The following ABRAXAS2 variants were observed in gnomAD, a reference collection of about 807,000 sequenced individuals.
The protein encoded by ABRAXAS2 is BRISC complex subunit Abraxas 2.
A neutral mutation model predicts 49.0 loss-of-function variants in ABRAXAS2; 23 were observed. The ratio of observed to expected loss-of-function variants is 0.47; its 90% CI spans 0.34 to 0.66. The LOEUF (loss-of-function observed/expected upper bound fraction) is 0.66. ABRAXAS2 is among the 30% of genes least tolerant of loss of function. ABRAXAS2 has a pLI of 0.01. For missense variants in ABRAXAS2, 443 were observed against 511.9 expected, an observed-to-expected ratio of 0.87 and a Z score of 1.30; for synonymous variants, 168 against 180.2, an observed-to-expected ratio of 0.93 and a Z score of 0.54.
intron 2 of ABRAXAS2, among the ~76,000 whole-genome samples, chr10:124,807,610 G>T (rs1048486589): frequency 6.6e-6 from 1 of 152,140 alleles, no homozygotes; most frequent in African/African-American, 2.4e-5. Context: ...CCAAGATCTT[G>T]TCTCAAAAAG....
chr10:124,829,020 C>G (rs1564925018), intron 6 of ABRAXAS2, 145 bp downstream of exon 6: 4 of 725,666 alleles, frequency 5.5e-6, no homozygotes, highest in African/African-American at 3.6e-5. Flanking sequence ...TGTCTAGATA[C>G]CACCAGCATG....
At chr10:124,832,528 T>TA (rs1396972250) in intron 8 of ABRAXAS2, among the ~76,000 whole-genome samples, 1 of 152,224 alleles carries the variant, frequency 6.6e-6, no homozygotes, top group African/African-American at 2.4e-5. Flanking sequence ...GATTTACTGT[T>TA]ACATTTTTCT....
rs1950706783 is a variant in ABRAXAS2, at chr10:124,801,849, G to A, written c.20G>A (p.Gly7Asp). The change falls in exon 1 of 9, where the codon GGC (glycine) becomes GAC (aspartate). Residue 7 changes from glycine to aspartate, a missense_variant. This residue lies in a region of ABRAXAS2 where 47 missense variants were observed against 27.6 expected (regional missense o/e 1.70). Transcript: ENST00000298492. ...TCCATCATGGCGGCGTCCATTTCGG[G>A]CTACACCTTCAGTGCTGTGTGTTTC... is the stretch of plus-strand genomic sequence containing the variant. MAASIS[G>D]YTFSAVCFHS... 1.2e-6 allele frequency: 2 copies of A among 1,613,278 alleles called. No homozygotes were observed. Among genetic ancestry groups the A allele is most frequent in the Admixed American group, 1.7e-5 (1 of 59,976 alleles).
chr10:124,818,269 G>T (rs1473499372), intron 3 of ABRAXAS2, among the ~76,000 whole-genome samples: 2 of 151,922 alleles, frequency 1.3e-5, no homozygotes, highest in African/African-American at 4.8e-5. Context: ...GGTGGTGGGT[G>T]CCTGTAGTCC....
chr10:124,807,598 A>T (rs899124413), intron 2 of ABRAXAS2, among the ~76,000 whole-genome samples: 18 of 152,238 alleles, frequency 1.2e-4, no homozygotes, highest in African/African-American at 4.3e-4. Flanking sequence ...GGTTGCAGTG[A>T]GCCAAGATCT....
chr10:124,815,384 C>T (rs552454888), intron 2 of ABRAXAS2, among the ~76,000 whole-genome samples: 95 of 151,754 alleles, frequency 6.3e-4, no homozygotes, highest in Middle Eastern at 3.4e-3. Flanking sequence ...TTGGTGGAGA[C>T]GAGGTTTCAC....
chr10:124,805,028 G>A (rs145478793), intron 1 of ABRAXAS2, among the ~76,000 whole-genome samples: 1 of 151,962 alleles, frequency 6.6e-6, no homozygotes, highest in African/African-American at 2.4e-5. Context: ...TATTTCCTAA[G>A]TTTAAGAAAT....
At chr10:124,804,274 A>G (rs556009302) in intron 1 of ABRAXAS2, among the ~76,000 whole-genome samples, 4 of 152,220 alleles carry the variant, frequency 2.6e-5, no homozygotes, top group Admixed American at 6.5e-5. Flanking sequence ...GGGTTACCAG[A>G]TGAAATACAG....
intron 4 of ABRAXAS2, among the ~76,000 whole-genome samples, chr10:124,821,464 G>A (rs1338995737): frequency 6.6e-6 from 1 of 152,054 alleles, no homozygotes; most frequent in Non-Finnish European, 1.5e-5. Flanking sequence ...TACTCAGGAG[G>A]CTGAGGCAGG....
chr10:124,823,982 A>G (rs972469153), intron 4 of ABRAXAS2, among the ~76,000 whole-genome samples: 1 of 152,200 alleles, frequency 6.6e-6, no homozygotes, highest in African/African-American at 2.4e-5. Flanking sequence ...CAATGGCATG[A>G]TCACAGCTCA....
At chr10:124,813,858 G>A (rs1950806724) in intron 2 of ABRAXAS2, among the ~76,000 whole-genome samples, 1 of 152,186 alleles carries the variant, frequency 6.6e-6, no homozygotes, top group Admixed American at 6.5e-5. Context: ...TTCATTAAAT[G>A]ACAGTTCTTT....
chr10:124,834,696 A>C lies in ABRAXAS2; in HGVS notation c.973A>C (p.Met325Leu). The C allele has an allele frequency of 1.2e-6, 2 of 1,614,174 alleles. No individual in the cohort carries two copies. Among genetic ancestry groups the C allele is most frequent in the Non-Finnish European group, 1.7e-6 (2 of 1,180,040 alleles). ...AGAAAGTACTTTGAGCCACTCTCGCATGGAAAGGAGTGTCTTTATGCCTCG... is the reference window on the plus strand; with the variant it reads ...AGAAAGTACTTTGAGCCACTCTCGCCTGGAAAGGAGTGTCTTTATGCCTCG... The part of the protein sequence containing the change: ...NQESTLSHSR[M>L]ERSVFMPRPQ... Residue 325 changes from methionine to leucine, a missense_variant, in exon 9 of 9, where the codon ATG (methionine) becomes CTG (leucine). Around this residue, in one of 3 missense-constraint regions of ABRAXAS2, gnomAD observed 230 missense variants for 237.0 expected, o/e 0.97. Coordinates refer to ENST00000298492, the MANE Select transcript of ABRAXAS2 (RefSeq NM_032182.4).
Position 124,836,110 on chromosome 10 carries a change from G to A in ABRAXAS2, c.*1139G>A, listed in dbSNP as rs1950967112. The A allele has an allele frequency of 6.6e-6, 1 of 152,514 alleles. No homozygotes were observed. The highest frequency in any genetic ancestry group is 1.9e-4 in the East Asian group (1 of 5,200). 9.4% of individuals were successfully genotyped at this position (152,514 alleles called of 1,614,324 possible). A position where few individuals can be genotyped will look rare whatever the true frequency, so the allele number is the denominator to read the frequency against. On this transcript the variant is annotated 3_prime_UTR_variant, in exon 9 of 9. Coordinates refer to ENST00000298492, the MANE Select transcript of ABRAXAS2 (RefSeq NM_032182.4). ...ACATTCAGGAGCATGTTGAGCTTCT[G>A]GTTTGGAAACAGCAAGACCCACCAT... is the stretch of plus-strand genomic sequence containing the variant.
intron 2 of ABRAXAS2, 57 bp from the exon 3 acceptor site, chr10:124,816,519 A>G: frequency 8.0e-6 from 10 of 1,243,142 alleles, no homozygotes; most frequent in Admixed American, 2.1e-5. Flanking sequence ...GAGCTATTTT[A>G]TAGTTGCCTA....
At chr10:124,810,387 CG>C (rs769823736) in intron 2 of ABRAXAS2, among the ~76,000 whole-genome samples, 8 of 151,974 alleles carry the variant, frequency 5.3e-5, no homozygotes, top group Non-Finnish European at 1.0e-4. Context: ...ATTAGCCAGG[CG>C]TGGTGTTGTG....
chr10:124,824,027 C>G (rs1383480548), intron 4 of ABRAXAS2, among the ~76,000 whole-genome samples: 1 of 152,280 alleles, frequency 6.6e-6, no homozygotes, highest in Non-Finnish European at 1.5e-5. Flanking sequence ...AAGTGATCCC[C>G]CTGCCTCAGC....
intron 2 of ABRAXAS2, among the ~76,000 whole-genome samples, chr10:124,816,202 A>G (rs766078472): frequency 2.0e-5 from 3 of 152,156 alleles, no homozygotes; most frequent in African/African-American, 7.2e-5. Flanking sequence ...CGACCTGCCT[A>G]TCCTCACAGC....
At chr10:124,824,023 TC>T (rs1461499517) in intron 4 of ABRAXAS2, among the ~76,000 whole-genome samples, 3 of 152,158 alleles carry the variant, frequency 2.0e-5, no homozygotes, top group Admixed American at 6.5e-5. Flanking sequence ...GCTCAAGTGA[TC>T]CCCCTGCCTC....
chr10:124,817,346 C>T (rs1463623871), intron 3 of ABRAXAS2, among the ~76,000 whole-genome samples: 1 of 152,102 alleles, frequency 6.6e-6, no homozygotes, highest in Non-Finnish European at 1.5e-5. Context: ...CAGAGAGACA[C>T]CTGGAGGGAA....
Sources: gnomAD v4.1 joint callset for allele counts (sites outside exome capture counted in the v4.1 genomes callset) on GRCh38, gnomAD v4.1.1 for gene constraint, gnomAD v4.1.1 regional missense constraint, MANE v1.5 for transcripts, NCBI Gene and HGNC (gene_info 2026-07-23, HGNC 2026-07-21) for gene names.